The following PLET1 variants were observed in gnomAD, a reference collection of about 807,000 sequenced individuals.
PLET1 encodes placenta-expressed transcript 1 protein.
In PLET1, 20 loss-of-function variants were observed where a neutral mutation model predicts 18.5. The ratio of observed to expected loss-of-function variants is 1.08; its 90% CI spans 0.76 to 1.57. The LOEUF is 1.57. PLET1 is among the 40% of genes most tolerant of loss of function. PLET1 has a pLI of 0.00. For synonymous variants in PLET1, 93 were observed against 93.8 expected, an observed-to-expected ratio of 0.99 and a Z score of 0.05; for missense variants, 256 against 246.4, an observed-to-expected ratio of 1.04 and a Z score of -0.26.
At chr11:112,260,165 A>G (rs1177600665) in intron 1 of PLET1, 4 of 462,264 alleles carry the variant, frequency 8.7e-6, no homozygotes, top group Non-Finnish European at 1.5e-5. Context: ...GCTGGGACTC[A>G]GTGAATCTGG....
chr11:112,252,213 G>A (rs1396581984), intron 3 of PLET1, 135 bp downstream of exon 3: 3 of 798,190 alleles, frequency 3.8e-6, no homozygotes, highest in Non-Finnish European at 6.3e-6. Flanking sequence ...GTCTCAAGGT[G>A]CAGGGAGACT....
In PLET1 at chr11:112,260,813, T is replaced by C. The variant is rs1412096952; in HGVS notation, c.-224A>G. On this transcript the variant is annotated 5_prime_UTR_variant, in exon 1 of 4. Coordinates refer to ENST00000338832, the MANE Select transcript of PLET1 (RefSeq NM_001145024.1). ...ATGATTTTGCAAATTGCAGTTTTGC[T>C]CAAGAAAGGGAATGTCCTGAATATG... 1 of 524,114 alleles carries C rather than the reference T, an allele frequency of 1.9e-6. No individual in the cohort carries two copies. The highest frequency in any genetic ancestry group is 3.4e-6 in the Non-Finnish European group (1 of 296,884). 32.5% of individuals were successfully genotyped at this position (524,114 alleles called of 1,614,324 possible).
chr11:112,259,733 A>G (rs773957922), intron 1 of PLET1, among the ~76,000 whole-genome samples: 7 of 152,136 alleles, frequency 4.6e-5, no homozygotes, highest in South Asian at 2.1e-4. Context: ...TGTCAAATAG[A>G]TATGAAAAGA....
intron 2 of PLET1, among the ~76,000 whole-genome samples, chr11:112,252,914 G>A (rs781628356): frequency 2.0e-5 from 3 of 152,134 alleles, no homozygotes; most frequent in Non-Finnish European, 4.4e-5. Flanking sequence ...CACTGGTACC[G>A]CTTGGTCTGT....
chr11:112,249,237 G>A (rs80223860), intron 3 of PLET1, among the ~76,000 whole-genome samples: 2,031 of 152,282 alleles, frequency 0.013, 18 homozygotes, highest in Middle Eastern at 0.048. Context: ...TATGAGATGA[G>A]GTGGAGACCT....
intron 1 of PLET1, 33 bp downstream of exon 1, chr11:112,260,373 C>T (rs1398800325): frequency 6.6e-7 from 1 of 1,524,206 alleles, no homozygotes; most frequent in Non-Finnish European, 8.9e-7. Flanking sequence ...CCTCAGGGAA[C>T]AAAGGACAGC....
In PLET1 at chr11:112,260,516, G is replaced by A. The variant is rs1474609297; in HGVS notation, c.74C>T (p.Ala25Val). Reference protein sequence around the residue: ...FLCLSLQLSSATFIRYSSTCF... With the variant: ...FLCLSLQLSSVTFIRYSSTCF... ...GGTGCTACTGTACCTTATAAAGGTGGCAGAAGAAAGCTGCAGACTGAGGCA... is the reference window on the plus strand; with the variant it reads ...GGTGCTACTGTACCTTATAAAGGTGACAGAAGAAAGCTGCAGACTGAGGCA... Residue 25 changes from alanine to valine, a missense_variant, in exon 1 of 4, where the codon GCC (alanine) becomes GTC (valine). By Grantham distance (64) the Ala-to-Val change is moderately conservative. Transcript: ENST00000338832. 2.6e-6 allele frequency: 4 copies of A among 1,551,520 alleles called. No homozygotes were observed. Among genetic ancestry groups the A allele is most frequent in the African/African-American group, 1.4e-5 (1 of 73,054 alleles).
rs561005832 is a variant in PLET1 at position 112,255,590 on chromosome 11, C to T, written c.185-1G>A. The T allele has an allele frequency of 3.4e-4, 529 of 1,550,404 alleles. 2 individuals are homozygous for T. The highest frequency in any genetic ancestry group is 3.3e-4 in the Admixed American group (17 of 50,974). ...ACGCTGTCATTCACGGGAACAAATA[C>T]TGGGAGGAAATGATGAAGAAGCAAT... is the stretch of plus-strand genomic sequence containing the variant. On this transcript the variant is annotated splice_acceptor_variant, in intron 1 of 3. Coordinates refer to ENST00000338832, the MANE Select transcript of PLET1 (RefSeq NM_001145024.1). LOFTEE classifies it high-confidence loss of function.
In PLET1 at chr11:112,248,563, A is replaced by G; in HGVS notation, c.*236T>C. 1 of 512,960 alleles carries G rather than the reference A, an allele frequency of 1.9e-6. No homozygotes were observed. Among genetic ancestry groups the G allele is most frequent in the Non-Finnish European group, 3.4e-6 (1 of 293,926 alleles). 31.8% of individuals were successfully genotyped at this position (512,960 alleles called of 1,614,324 possible). On this transcript the variant is annotated 3_prime_UTR_variant, in exon 4 of 4. Transcript: ENST00000338832. ...AGGTGACTAAGTTCCGGCCAGTTCT[A>G]AATATTTTCAAAAAGTGTAATATGT...
intron 1 of PLET1, among the ~76,000 whole-genome samples, chr11:112,256,811 CAGT>C (rs1426422540): frequency 2.0e-5 from 3 of 152,222 alleles, no homozygotes; most frequent in Non-Finnish European, 4.4e-5. Context: ...GCGTCAGGTG[CAGT>C]AGAAGGTGAG....
At chr11:112,254,780 T>TGTGTGGTGTGTGTG (rs1566829063) in intron 2 of PLET1, among the ~76,000 whole-genome samples, 1 of 129,460 alleles carries the variant, frequency 7.7e-6, no homozygotes. Flanking sequence ...GTGGTACGCA[T>TGTGTGGTGTGTGTG]CGTGTGTGTG....
Position 112,248,744 on chromosome 11 carries a change from A to G in PLET1, c.*55T>C, listed in dbSNP as rs938672597. On this transcript the variant is annotated 3_prime_UTR_variant, in exon 4 of 4. Coordinates refer to ENST00000338832, the MANE Select transcript of PLET1 (RefSeq NM_001145024.1). Reference sequence around the variant, plus strand: ...ATTCGGTTCCCAGCACTAGCTTGGAACTGAATGTAGGAGGATGCAGTGGAG... The same window carrying G: ...ATTCGGTTCCCAGCACTAGCTTGGAGCTGAATGTAGGAGGATGCAGTGGAG... The G allele has an allele frequency of 8.6e-6, 13 of 1,520,184 alleles. No individual in the cohort carries two copies. Among genetic ancestry groups the G allele is most frequent in the Non-Finnish European group, 1.1e-5 (12 of 1,122,780 alleles). The allele number at this position is 1,520,184 out of a possible 1,614,324, so 94.2% of individuals were successfully genotyped here.
intron 3 of PLET1, among the ~76,000 whole-genome samples, chr11:112,250,237 T>TC (rs1166544698): frequency 7.0e-6 from 1 of 143,278 alleles, no homozygotes; most frequent in African/African-American, 2.5e-5. Context: ...TTTTTTTTTT[T>TC]TTTTTTTTCC....
chr11:112,259,501 C>A (rs1401761971), intron 1 of PLET1, among the ~76,000 whole-genome samples: 1 of 152,166 alleles, frequency 6.6e-6, no homozygotes, highest in Non-Finnish European at 1.5e-5. Flanking sequence ...ATCTACTGGA[C>A]ACCTCTAAGA....
At chr11:112,249,685 G>T (rs548600646) in intron 3 of PLET1, among the ~76,000 whole-genome samples, 1 of 152,250 alleles carries the variant, frequency 6.6e-6, no homozygotes, top group South Asian at 2.1e-4. Flanking sequence ...GGAAGAGGAA[G>T]AGACCAGATG....
intron 3 of PLET1, among the ~76,000 whole-genome samples, chr11:112,251,445 A>G (rs1292429480): frequency 6.6e-6 from 1 of 152,154 alleles, no homozygotes; most frequent in Non-Finnish European, 1.5e-5. Flanking sequence ...TTAGCCAGGC[A>G]TGGTGGCTCA....
At chr11:112,260,304 T>G in intron 1 of PLET1, 102 bp downstream of exon 1, 2 of 1,150,278 alleles carry the variant, frequency 1.7e-6, no homozygotes, top group Non-Finnish European at 2.4e-6. Flanking sequence ...AGAAGACACA[T>G]GTTTTGTATA....
intron 3 of PLET1, among the ~76,000 whole-genome samples, chr11:112,250,359 A>C (rs1287186324): frequency 6.6e-6 from 1 of 151,472 alleles, no homozygotes; most frequent in Non-Finnish European, 1.5e-5. Context: ...GTCACAGCCC[A>C]TGGTCCTAAG....
intron 3 of PLET1, among the ~76,000 whole-genome samples, chr11:112,249,802 C>G (rs972756359): frequency 1.3e-5 from 2 of 151,680 alleles, no homozygotes; most frequent in Admixed American, 6.6e-5. Flanking sequence ...ACTAAAAATA[C>G]AAAAATTAGC....
Sources: allele counts gnomAD v4.1 joint callset (sites outside exome capture counted in the v4.1 genomes callset), GRCh38; gene constraint gnomAD v4.1.1; transcripts MANE v1.5; gene names NCBI Gene and HGNC (gene_info 2026-07-23, HGNC 2026-07-21).